Variants in ZNF471 observed in about 807,000 individuals in gnomAD.
ZNF471 encodes the protein EZFIT-related protein 1.
In ZNF471, 7 loss-of-function variants were observed where a neutral mutation model predicts 13.7. The observed-to-expected ratio is 0.51, with a 90% CI of 0.29 to 0.96. The LOEUF is 0.96. ZNF471 is among the 40% of genes least tolerant of loss of function. The pLI, the probability that ZNF471 is intolerant of heterozygous loss-of-function variation, is 0.08. For synonymous variants in ZNF471, 218 were observed against 235.6 expected (o/e 0.93, Z 0.68); for missense variants, 663 against 743.3 (o/e 0.89, Z 1.26).
At chr19:56,513,206 T>C (rs2043834073) in intron 2 of ZNF471, among the ~76,000 whole-genome samples, 2 of 152,204 alleles carry the variant, frequency 1.3e-5, no homozygotes, top group South Asian at 4.1e-4. Flanking sequence ...TAATGTTCCA[T>C]ACACTATTTC....
At chr19:56,514,874 T>A (rs183089088) in intron 2 of ZNF471, among the ~76,000 whole-genome samples, 52 of 152,320 alleles carry the variant, frequency 3.4e-4, no homozygotes, top group Middle Eastern at 3.4e-3. Flanking sequence ...ATTTGAAAGA[T>A]CTTCTAAATG....
At chr19:56,517,579 A>G (rs1600513581) in intron 3 of ZNF471, among the ~76,000 whole-genome samples, 2 of 152,222 alleles carry the variant, frequency 1.3e-5, no homozygotes, top group South Asian at 4.1e-4. Context: ...TGCTGGGATT[A>G]CAGGTGTGAG....
rs1262756905 is a variant in ZNF471, at chr19:56,508,523, C to G, written c.-56+603C>G. Among the ~76,000 whole-genome samples, 1 of 145,928 alleles carries G rather than the reference C, an allele frequency of 6.9e-6. No homozygotes were observed. The highest frequency in any genetic ancestry group is 1.5e-5 in the Non-Finnish European group (1 of 66,220). On this transcript the variant is annotated intron_variant, in intron 1 of 4. Transcript: ENST00000308031. The surrounding 1 kb of genome is among the most constrained non-coding windows in gnomAD (Gnocchi z 4.7). ...GAGACCAGTGAGTGTGAGAGATGGG[C>G]GTGTGCCTGTGTGTGAAAGGCCGGT...
rs1002469675 is a variant in ZNF471 at position 56,516,458 on chromosome 19, A to G, written c.160+57A>G. 121 of 1,506,818 alleles carry G rather than the reference A, an allele frequency of 8.0e-5. No individual in the cohort carries two copies. The highest frequency in any genetic ancestry group is 1.1e-4 in the Non-Finnish European group (120 of 1,121,278). The allele number at this position is 1,506,818 out of a possible 1,614,324, so 93.3% of individuals were successfully genotyped here. On this transcript the variant is annotated intron_variant, in intron 3 of 4. Coordinates refer to ENST00000308031, the MANE Select transcript of ZNF471 (RefSeq NM_020813.4). This position sits in a 1 kb window ranked among gnomAD's most constrained non-coding sequence, Gnocchi z 4.4. The stretch of plus-strand genomic sequence containing the variant: ...CTTTAAGGAACTTTTTTGTCTATAT[A>G]TTATTAAATTTGCTTTTATTATATG...
Position 56,524,965 on chromosome 19 carries a change from A to C in ZNF471, c.898A>C (p.Arg300=). The C allele has an allele frequency of 4.3e-6, 7 of 1,614,164 alleles. No homozygotes were observed. The highest frequency in any genetic ancestry group is 1.3e-5 in the African/African-American group (1 of 75,056). The change falls in exon 5 of 5, where the codon AGA becomes CGA. Residue 300 remains arginine (R), a synonymous_variant. Coordinates refer to ENST00000308031, the MANE Select transcript of ZNF471 (RefSeq NM_020813.4). This position sits in a 1 kb window ranked among gnomAD's most constrained non-coding sequence, Gnocchi z 4.8. ...ATGTAAGGAATGCAGAAAAGCCTTCAGACAGCCTGCACACCTTGCTCAGCA... is the reference window on the plus strand; with the variant it reads ...ATGTAAGGAATGCAGAAAAGCCTTCCGACAGCCTGCACACCTTGCTCAGCA... ...YKCKECRKAF[R]QPAHLAQHQR...
In ZNF471 at chr19:56,510,841, T is replaced by C. The variant is rs1269000111; in HGVS notation, c.-55-676T>C. ...CAAGGGTTTCAGTAAGAAGCAAAGC[T>C]GGGGTGACTGAAGCTCCTAACTGAA... On this transcript the variant is annotated intron_variant, in intron 1 of 4. Transcript: ENST00000308031. This position sits in a 1 kb window ranked among gnomAD's most constrained non-coding sequence, Gnocchi z 4.3. The C allele has an allele frequency of 1.0e-6, 1 of 985,426 alleles. No homozygotes were observed. Among genetic ancestry groups the C allele is most frequent in the Non-Finnish European group, 1.2e-6 (1 of 829,946 alleles). The allele number at this position is 985,426 out of a possible 1,614,324, so 61.0% of individuals were successfully genotyped here.
chr19:56,519,437 C>A (rs1214743273), intron 4 of ZNF471, among the ~76,000 whole-genome samples: 1 of 152,168 alleles, frequency 6.6e-6, no homozygotes, highest in East Asian at 1.9e-4. Context: ...CCCTAACCAC[C>A]TTATGTGATG....
chr19:56,509,889 G>A (rs1206662337), intron 1 of ZNF471: 2 of 985,180 alleles, frequency 2.0e-6, no homozygotes, highest in African/African-American at 1.7e-5. Flanking sequence ...GTGAGACCAG[G>A]GTATATCAAT....
At chr19:56,518,309 T>A (rs2043921176) in intron 3 of ZNF471, among the ~76,000 whole-genome samples, 173 bp from the exon 4 acceptor site, 1 of 152,110 alleles carries the variant, frequency 6.6e-6, no homozygotes, top group Admixed American at 6.6e-5. Context: ...CAGAGTTAAC[T>A]GTTAGCAGTC....
chr19:56,527,191 A>C lies in ZNF471; in HGVS notation c.*1243A>C. On this transcript the variant is annotated 3_prime_UTR_variant, in exon 5 of 5. Coordinates refer to ENST00000308031, the MANE Select transcript of ZNF471 (RefSeq NM_020813.4). ...CTCCACCGGTGATACCCAGGCAGAT[A>C]TGGTCTGGAGTGGACCTCCAGCAAA... is the stretch of plus-strand genomic sequence containing the variant. 1 of 156,364 alleles carries C rather than the reference A, an allele frequency of 6.4e-6. No homozygotes were observed. Among genetic ancestry groups the C allele is most frequent in the East Asian group, 1.8e-4 (1 of 5,460 alleles). 9.7% of individuals were successfully genotyped at this position (156,364 alleles called of 1,614,324 possible).
At chr19:56,511,300 T>A (rs1177008599) in intron 1 of ZNF471, among the ~76,000 whole-genome samples, 1 of 151,676 alleles carries the variant, frequency 6.6e-6, no homozygotes, top group Non-Finnish European at 1.5e-5. Context: ...CTAATGCATC[T>A]GAATGGGAAG....
intron 3 of ZNF471, 89 bp from the exon 4 acceptor site, chr19:56,518,393 A>C: frequency 1.1e-6 from 1 of 943,332 alleles, no homozygotes; most frequent in Non-Finnish European, 1.6e-6. Context: ...TATTCCTACT[A>C]TATCATTCCA....
chr19:56,522,438 T>C lies in ZNF471; in HGVS notation c.257-1886T>C, dbSNP rs946198464. On this transcript the variant is annotated intron_variant, in intron 4 of 4. Transcript: ENST00000308031. This position sits in a 1 kb window ranked among gnomAD's most constrained non-coding sequence, Gnocchi z 4.1. The stretch of plus-strand genomic sequence containing the variant: ...CAAAACTTTTTTTGTTGGTCTTGTC[T>C]TCCTAAATTACTTTCTAAACTTTTC... Among the ~76,000 whole-genome samples the C allele has an allele frequency of 6.6e-6, 1 of 152,234 alleles. No individual in the cohort carries two copies. Among genetic ancestry groups the C allele is most frequent in the African/African-American group, 2.4e-5 (1 of 41,468 alleles).
At chr19:56,519,437 C>T (rs1214743273) in intron 4 of ZNF471, among the ~76,000 whole-genome samples, 1 of 152,168 alleles carries the variant, frequency 6.6e-6, no homozygotes, top group Non-Finnish European at 1.5e-5. Flanking sequence ...CCCTAACCAC[C>T]TTATGTGATG....
chr19:56,522,758 T>TG lies in ZNF471; in HGVS notation c.257-1564dup, dbSNP rs1281562377. 2.0e-5 allele frequency among the ~76,000 whole-genome samples: 3 copies of TG among 151,446 alleles called. No individual in the cohort carries two copies. Among genetic ancestry groups the TG allele is most frequent in the Non-Finnish European group, 2.9e-5 (2 of 67,866 alleles). The stretch of plus-strand genomic sequence containing the variant: ...TTTTTTTCTTTTTTTTTTTTTGAGA[T>TG]GGAGTTTCATTCTTGTCACCCAGGC... On this transcript the variant is annotated intron_variant, in intron 4 of 4. Coordinates refer to ENST00000308031, the MANE Select transcript of ZNF471 (RefSeq NM_020813.4). This position sits in a 1 kb window ranked among gnomAD's most constrained non-coding sequence, Gnocchi z 4.1.
Position 56,507,893 on chromosome 19 carries a change from A to G in ZNF471, c.-83A>G. On this transcript the variant is annotated 5_prime_UTR_variant, in exon 1 of 5. Transcript: ENST00000308031. The stretch of plus-strand genomic sequence containing the variant: ...CGACTCACGGAGTCCTTCGGATGAG[A>G]GCGTCTGGGTGCCAGACGAGGCCGG... 1 of 985,510 alleles carries G rather than the reference A, an allele frequency of 1.0e-6. No individual in the cohort carries two copies. Among genetic ancestry groups the G allele is most frequent in the Non-Finnish European group, 1.2e-6 (1 of 830,028 alleles). The allele number at this position is 985,510 out of a possible 1,614,324, so 61.0% of individuals were successfully genotyped here. A position where few individuals can be genotyped will look rare whatever the true frequency, so the allele number is the denominator to read the frequency against.
Position 56,527,013 on chromosome 19 carries a change from C to G in ZNF471, c.*1065C>G, listed in dbSNP as rs2044056486. ...GACAGACTGCCTCCTCAAGTGGGTCCCTGACCCCCATGCCTCCTGACGGGG... is the reference window on the plus strand; with the variant it reads ...GACAGACTGCCTCCTCAAGTGGGTCGCTGACCCCCATGCCTCCTGACGGGG... On this transcript the variant is annotated 3_prime_UTR_variant, in exon 5 of 5. Transcript: ENST00000308031. 6.4e-6 allele frequency: 1 copy of G among 155,344 alleles called. No homozygotes were observed. Among genetic ancestry groups the G allele is most frequent in the African/African-American group, 2.4e-5 (1 of 41,516 alleles). 9.6% of individuals were successfully genotyped at this position (155,344 alleles called of 1,614,324 possible). A position where few individuals can be genotyped will look rare whatever the true frequency, so the allele number is the denominator to read the frequency against.
rs745808176 is a variant in ZNF471, at chr19:56,525,070, C to T, written c.1003C>T (p.Arg335Ter). 2.2e-5 allele frequency: 35 copies of T among 1,613,384 alleles called. No homozygotes were observed. Among genetic ancestry groups the T allele is most frequent in the African/African-American group, 6.7e-5 (5 of 74,828 alleles). Residue 335 changes from arginine to a stop codon, truncating the protein, a stop_gained, in exon 5 of 5, where the codon CGA becomes TGA. Transcript: ENST00000308031. LOFTEE classifies it low-confidence loss of function (END_TRUNC). ...CTTCAGTGATGGCTCGTCTTTTGCT[C>T]GACATCAGAGATGTCACACTGGCAA... is the stretch of plus-strand genomic sequence containing the variant. ...KAFSDGSSFA[R>*]HQRCHTGKRP...
chr19:56,508,102 G>C lies in ZNF471; in HGVS notation c.-56+182G>C, dbSNP rs2043756546. Reference sequence around the variant, plus strand: ...GTCTGCGGGGCGGAGGCCGCGGCTCGGGGCTGCTGGGCGTTCGGGGCGGCT... The same window carrying C: ...GTCTGCGGGGCGGAGGCCGCGGCTCCGGGCTGCTGGGCGTTCGGGGCGGCT... On this transcript the variant is annotated intron_variant, in intron 1 of 4. Coordinates refer to ENST00000308031, the MANE Select transcript of ZNF471 (RefSeq NM_020813.4). The surrounding 1 kb of genome is among the most constrained non-coding windows in gnomAD (Gnocchi z 4.7). The C allele has an allele frequency of 1.0e-6, 1 of 985,306 alleles. No individual in the cohort carries two copies. Among genetic ancestry groups the C allele is most frequent in the East Asian group, 1.1e-4 (1 of 8,806 alleles). The allele number at this position is 985,306 out of a possible 1,614,324, so 61.0% of individuals were successfully genotyped here.
Sources: gnomAD v4.1 joint callset for allele counts (sites outside exome capture counted in the v4.1 genomes callset) on GRCh38, gnomAD v4.1.1 for gene constraint, Gnocchi (gnomAD v3.1) non-coding constraint, MANE v1.5 for transcripts, NCBI Gene and HGNC (gene_info 2026-07-23, HGNC 2026-07-21) for gene names.